The following ZFPM1 variants were observed in gnomAD, a reference collection of about 807,000 sequenced individuals.
The protein encoded by ZFPM1 is zinc finger protein ZFPM1.
Under a neutral mutation model 46.3 loss-of-function variants are expected in ZFPM1, and 28 were observed. The observed-to-expected ratio is 0.60, with a 90% CI of 0.45 to 0.83. The LOEUF is 0.83. Among genes scored for constraint, ZFPM1 ranks in the 40% least tolerant of loss-of-function variants. ZFPM1 has a pLI of 0.00. For missense variants in ZFPM1, 1,878 were observed against 1,432.4 expected, an observed-to-expected ratio of 1.31 and a Z score of -5.02; for synonymous variants, 957 against 675.9, an observed-to-expected ratio of 1.42 and a Z score of -6.45.
chr16:88,487,510 G>A (rs1222871311), intron 2 of ZFPM1, among the ~76,000 whole-genome samples: 1 of 152,188 alleles, frequency 6.6e-6, no homozygotes, highest in Non-Finnish European at 1.5e-5. Flanking sequence ...GTGACAGCAG[G>A]TCCAAAGGCT....
At chr16:88,522,009 C>G (rs994179156) in intron 4 of ZFPM1, 3 of 153,076 alleles carry the variant, frequency 2.0e-5, no homozygotes, top group African/African-American at 7.2e-5. Context: ...CGCTGCCCCT[C>G]CAGGTGCCTA....
Position 88,532,156 on chromosome 16 carries a change from G to T in ZFPM1, c.867G>T (p.Glu289Asp). ...AGCCCAAAGAGACCTACCCCAACGA[G>T]CGCGTCTGCCCCTTCCCCCAGTGCC... ...DEKPKETYPNERVCPFPQCRK... is the reference protein window; with the variant it reads ...DEKPKETYPNDRVCPFPQCRK... Residue 289 changes from glutamate (E) to aspartate (D), a missense_variant, in exon 7 of 10, where the codon GAG becomes GAT. By Grantham distance (45) the Glu-to-Asp change is conservative. Coordinates refer to ENST00000319555, the MANE Select transcript of ZFPM1 (RefSeq NM_153813.3). 6.2e-7 allele frequency: 1 copy of T among 1,612,596 alleles called. No homozygotes were observed. Among genetic ancestry groups the T allele is most frequent in the South Asian group, 1.1e-5 (1 of 91,050 alleles).
chr16:88,533,060 C>A (rs917250821), intron 9 of ZFPM1, 88 bp from the exon 10 acceptor site: 2 of 1,467,620 alleles, frequency 1.4e-6, no homozygotes, highest in South Asian at 2.7e-5. Context: ...CTCCCGCCCA[C>A]CCCTCCCCTT....
chr16:88,528,331 G>T, intron 6 of ZFPM1, 93 bp downstream of exon 6: 1 of 1,342,598 alleles, frequency 7.4e-7, no homozygotes. Context: ...TGGGAAGCTC[G>T]GGGGCTGCAG....
At position 88,534,549 on chromosome 16, in the gene ZFPM1, C is replaced by G. The variant is rs752486756; in HGVS notation, c.2591C>G (p.Pro864Arg). The G allele has an allele frequency of 5.9e-5, 80 of 1,362,674 alleles. No individual in the cohort carries two copies. The highest frequency in any genetic ancestry group is 7.5e-5 in the Non-Finnish European group (79 of 1,060,320). 84.4% of individuals were successfully genotyped at this position (1,362,674 alleles called of 1,614,324 possible). ...TGCCCCTACTGCCCCCCGAACGGCC[C>G]GGTGCGCGGGGACCTGCTGGAGCAT... Reference protein sequence around the residue: ...AACPYCPPNGPVRGDLLEHFR... With the variant: ...AACPYCPPNGRVRGDLLEHFR... The change falls in exon 10 of 10, where the codon CCG (proline) becomes CGG (arginine). Residue 864 changes from proline to arginine, a missense_variant. Transcript: ENST00000319555.
intron 3 of ZFPM1, 140 bp downstream of exon 3, chr16:88,489,293 A>G: frequency 2.3e-6 from 3 of 1,315,756 alleles, no homozygotes; most frequent in Non-Finnish European, 3.0e-6. Context: ...GCCTAGTCCA[A>G]AGCTCAGCCA....
At chr16:88,514,789 G>T (rs758953991) in intron 4 of ZFPM1, among the ~76,000 whole-genome samples, 3 of 152,190 alleles carry the variant, frequency 2.0e-5, no homozygotes, top group Non-Finnish European at 4.4e-5. Context: ...CAGATGACTG[G>T]GCATTGAAGC....
At chr16:88,514,366 G>A in intron 3 of ZFPM1, 21 bp from the exon 4 acceptor site, 1 of 1,560,648 alleles carries the variant, frequency 6.4e-7, no homozygotes, top group South Asian at 1.2e-5. Flanking sequence ...CACGCCTCAT[G>A]CCTGCGATGT....
intron 6 of ZFPM1, among the ~76,000 whole-genome samples, chr16:88,529,475 A>G (rs931631903): frequency 6.6e-6 from 1 of 152,196 alleles, no homozygotes; most frequent in Non-Finnish European, 1.5e-5. Flanking sequence ...GTCAGCCCGT[A>G]TGAGAGTCAG....
chr16:88,511,511 C>T (rs1012127376), intron 3 of ZFPM1, among the ~76,000 whole-genome samples: 8 of 152,176 alleles, frequency 5.3e-5, no homozygotes, highest in Non-Finnish European at 7.4e-5. Context: ...CAGCATCCCC[C>T]GGCCCTAGGC....
rs539204655 is a variant in ZFPM1 at position 88,465,678 on chromosome 16, C to T, written c.40+12000C>T. Among the ~76,000 whole-genome samples the T allele has an allele frequency of 2.6e-3, 398 of 152,322 alleles. 2 individuals are homozygous for T. Among genetic ancestry groups the T allele is most frequent in the African/African-American group, 9.1e-3 (379 of 41,562 alleles). ...AGGGGCTTGCCTGCATTGAGAAACC[C>T]TGTGTGCTCCCCGGCTTGGCTCCCA... On this transcript the variant is annotated intron_variant, in intron 1 of 9. Transcript: ENST00000319555.
At chr16:88,520,136 G>A (rs1911716708) in intron 4 of ZFPM1, among the ~76,000 whole-genome samples, 1 of 150,204 alleles carries the variant, frequency 6.7e-6, no homozygotes, top group African/African-American at 2.5e-5. Context: ...TGAGAAGGTG[G>A]ATGGATGGAT....
intron 4 of ZFPM1, among the ~76,000 whole-genome samples, chr16:88,526,191 C>T (rs931833964): frequency 6.6e-6 from 1 of 152,188 alleles, no homozygotes; most frequent in African/African-American, 2.4e-5. Flanking sequence ...GTGCCGGCCC[C>T]GGGAGCGAGC....
In ZFPM1 at chr16:88,502,518, C is replaced by T. The variant is rs76412862; in HGVS notation, c.269-11869C>T. 4.2e-3 allele frequency among the ~76,000 whole-genome samples: 644 copies of T among 152,334 alleles called. 7 individuals are homozygous for T. Among genetic ancestry groups the T allele is most frequent in the African/African-American group, 0.015 (610 of 41,578 alleles). On this transcript the variant is annotated intron_variant, in intron 3 of 9. Transcript: ENST00000319555. ...GGCCCCAGGTTCCCATCTGGATCCACCCTGGAGTCACTGTAGGTCTTGGGC... is the reference window on the plus strand; with the variant it reads ...GGCCCCAGGTTCCCATCTGGATCCATCCTGGAGTCACTGTAGGTCTTGGGC...
rs11859229 is a variant in ZFPM1, at chr16:88,497,677, C to G, written c.268+8524C>G. 0.02 allele frequency among the ~76,000 whole-genome samples: 3,054 copies of G among 152,024 alleles called. 106 individuals carry two copies. Among genetic ancestry groups the G allele is most frequent in the African/African-American group, 0.07 (2,901 of 41,342 alleles). On this transcript the variant is annotated intron_variant, in intron 3 of 9. Transcript: ENST00000319555. The surrounding 1 kb of genome is among the most constrained non-coding windows in gnomAD (Gnocchi z 5.4). ...TGAGCGATCCGGTCCAGCATCCCGG[C>G]GCTGGGAGCCGGCAGCTGCTGTGAG...
intron 3 of ZFPM1, among the ~76,000 whole-genome samples, chr16:88,501,305 G>A: frequency 2.4e-5 from 3 of 126,938 alleles, no homozygotes; most frequent in African/African-American, 9.0e-5. Flanking sequence ...CGCAGGTGCT[G>A]GTGATGATGG....
intron 3 of ZFPM1, among the ~76,000 whole-genome samples, chr16:88,491,792 C>T (rs564788245): frequency 2.6e-5 from 4 of 152,352 alleles, no homozygotes; most frequent in African/African-American, 9.6e-5. Flanking sequence ...CGGTGATGGG[C>T]TGATACGCGG....
At chr16:88,493,302 GAA>G (rs1909714934) in intron 3 of ZFPM1, among the ~76,000 whole-genome samples, 8 of 146,020 alleles carry the variant, frequency 5.5e-5, no homozygotes, top group Non-Finnish European at 3.0e-5. Flanking sequence ...CCGGGGTGGA[GAA>G]AGCTGTCCTG....
At chr16:88,527,318 G>C (rs1164406037) in intron 5 of ZFPM1, among the ~76,000 whole-genome samples, 1 of 152,224 alleles carries the variant, frequency 6.6e-6, no homozygotes, top group East Asian at 1.9e-4. Flanking sequence ...ATGTCGTCAG[G>C]CTGGCTCCAG....
Sources: allele counts gnomAD v4.1 joint callset (sites outside exome capture counted in the v4.1 genomes callset), GRCh38; gene constraint gnomAD v4.1.1; non-coding constraint Gnocchi (gnomAD v3.1); transcripts MANE v1.5; gene names NCBI Gene and HGNC (gene_info 2026-07-23, HGNC 2026-07-21).